The following LUM variants were observed in gnomAD, a reference collection of about 807,000 sequenced individuals.
LUM encodes the protein KSPG lumican.
LUM carries 13 observed loss-of-function variants against 20.5 expected under a neutral mutation model. That is an observed-to-expected ratio of 0.63 (90% confidence interval 0.41 to 1.01). The LOEUF is 1.01. LUM is among the 50% of genes least tolerant of loss of function. The probability of loss-of-function intolerance (pLI) is 0.00; values close to 1 mark genes in which losing one functional copy is unlikely to be tolerated. For synonymous variants in LUM, 173 were observed against 151.5 expected, an observed-to-expected ratio of 1.14 and a Z score of -1.04; for missense variants, 321 against 391.1, an observed-to-expected ratio of 0.82 and a Z score of 1.51.
At chr12:91,107,599 A>G (rs879787383) in intron 2 of LUM, among the ~76,000 whole-genome samples, 4 of 152,222 alleles carry the variant, frequency 2.6e-5, no homozygotes, top group Admixed American at 1.3e-4. Flanking sequence ...GAAGACTTAC[A>G]TATTAAATTC....
intron 2 of LUM, among the ~76,000 whole-genome samples, chr12:91,106,449 G>A (rs1340376491): frequency 6.6e-6 from 1 of 151,834 alleles, no homozygotes; most frequent in African/African-American, 2.4e-5. Context: ...AAAGATTAAT[G>A]GCAGAGTTAT....
rs374164456 is a variant in LUM at position 91,106,690 on chromosome 12, T to TAAAAAAAAAAAA, written c.862+1416_862+1427dup. Among the ~76,000 whole-genome samples, 3 of 90,584 alleles carry TAAAAAAAAAAAA rather than the reference T, an allele frequency of 3.3e-5. 1 individual carries two copies. The highest frequency in any genetic ancestry group is 4.6e-5 in the African/African-American group (1 of 21,852). The allele number at this position is 90,584 out of a possible 152,430, so 59.4% of individuals were successfully genotyped here. ...AAGCTCTGTAACACTATTTTTCTTC[T>TAAAAAAAAAAAA]AAAAAAAAAAAAAAAAAAAAAGATG... On this transcript the variant is annotated intron_variant, in intron 2 of 2. Transcript: ENST00000266718.
chr12:91,109,073 T>C (rs1416569170), intron 1 of LUM, 73 bp from the exon 2 acceptor site: 6 of 1,046,596 alleles, frequency 5.7e-6, no homozygotes, highest in South Asian at 1.5e-5. Context: ...ATTTGCAACA[T>C]TAAATTCATT....
chr12:91,107,336 A>G (rs546550379), intron 2 of LUM, among the ~76,000 whole-genome samples: 40 of 144,570 alleles, frequency 2.8e-4, no homozygotes, highest in African/African-American at 9.0e-4. Context: ...AAAGAAAGAA[A>G]GAAAGAAAGG....
Position 91,108,503 on chromosome 12 carries a change from T to A in LUM, c.477A>T (p.Val159=), listed in dbSNP as rs1880129739. 1 of 1,613,824 alleles carries A rather than the reference T, an allele frequency of 6.2e-7. No individual in the cohort carries two copies. The highest frequency in any genetic ancestry group is 8.5e-7 in the Non-Finnish European group (1 of 1,179,760). Residue 159 remains valine, a synonymous_variant, in exon 2 of 3, where the codon GTA becomes GTT. Transcript: ENST00000266718. The surrounding 1 kb of genome is among the most constrained non-coding windows in gnomAD (Gnocchi z 4.2). ...GCTGGAGATGGATGAAGGTCAGGTT[T>A]ACCAATCCTTCAAAAGAGCCCAGCT... ...ITKLGSFEGL[V]NLTFIHLQHN...
At chr12:91,106,550 C>G (rs1473248352) in intron 2 of LUM, among the ~76,000 whole-genome samples, 1 of 151,418 alleles carries the variant, frequency 6.6e-6, no homozygotes, top group East Asian at 1.9e-4. Context: ...AGTGCATAAG[C>G]AGTCCAAATG....
chr12:91,107,238 GGAA>G lies in LUM; in HGVS notation c.862+877_862+879del, dbSNP rs1565758258. ...AAGAGAGAAAGAAGAAAGAAAGAAA[GGAA>G]AGAAAGAAAGAAAGAAAGAAAGAAA... On this transcript the variant is annotated intron_variant, in intron 2 of 2. Transcript: ENST00000266718. Among the ~76,000 whole-genome samples, 140 of 67,334 alleles carry G rather than the reference GGAA, an allele frequency of 2.1e-3. 6 individuals carry two copies. The highest frequency in any genetic ancestry group is 7.5e-3 in the Middle Eastern group (1 of 134). 44.2% of individuals were successfully genotyped at this position (67,334 alleles called of 152,430 possible). A position where few individuals can be genotyped will look rare whatever the true frequency, so the allele number is the denominator to read the frequency against.
Position 91,108,716 on chromosome 12 carries a change from A to G in LUM, c.264T>C (p.Asn88=). ...GAATGAGCCACTGCAGATCAGTTAC[A>G]TTCTCAAAGGCCTTTTCATCAATAT... ...IDHIDEKAFE[N]VTDLQWLILD... Residue 88 remains asparagine, a synonymous_variant, in exon 2 of 3, where the codon AAT becomes AAC. Coordinates refer to ENST00000266718, the MANE Select transcript of LUM (RefSeq NM_002345.4). The surrounding 1 kb of genome is among the most constrained non-coding windows in gnomAD (Gnocchi z 4.2). 1 of 1,614,140 alleles carries G rather than the reference A, an allele frequency of 6.2e-7. No homozygotes were observed. The highest frequency in any genetic ancestry group is 2.2e-5 in the East Asian group (1 of 44,870).
intron 2 of LUM, among the ~76,000 whole-genome samples, chr12:91,106,791 C>A (rs543630625): frequency 6.6e-6 from 1 of 150,376 alleles, no homozygotes; most frequent in Admixed American, 6.6e-5. Context: ...TGGCCACACA[C>A]CATAACAGAG....
rs374164456 is a variant in LUM, at chr12:91,106,690, TAA to T, written c.862+1426_862+1427del. Among the ~76,000 whole-genome samples the T allele has an allele frequency of 5.2e-4, 47 of 90,600 alleles. 2 individuals carry two copies. The highest frequency in any genetic ancestry group is 2.1e-3 in the African/African-American group (45 of 21,874). The allele number at this position is 90,600 out of a possible 152,430, so 59.4% of individuals were successfully genotyped here. ...AAGCTCTGTAACACTATTTTTCTTCTAAAAAAAAAAAAAAAAAAAAAGATGTT... is the reference window on the plus strand; with the variant it reads ...AAGCTCTGTAACACTATTTTTCTTCTAAAAAAAAAAAAAAAAAAAGATGTT... On this transcript the variant is annotated intron_variant, in intron 2 of 2. Coordinates refer to ENST00000266718, the MANE Select transcript of LUM (RefSeq NM_002345.4).
At position 91,108,112 on chromosome 12, in the gene LUM, A is replaced by T; in HGVS notation, c.862+6T>A. On this transcript the variant is annotated splice_donor_region_variant and intron_variant, in intron 2 of 2. Transcript: ENST00000266718. The surrounding 1 kb of genome is among the most constrained non-coding windows in gnomAD (Gnocchi z 4.2). The stretch of plus-strand genomic sequence containing the variant: ...ACATCAAACACAGGAACAGCTTTTT[A>T]CTTACTCTCAAGTTGATTGACCTCC... 1 of 1,613,812 alleles carries T rather than the reference A, an allele frequency of 6.2e-7. No individual in the cohort carries two copies. The highest frequency in any genetic ancestry group is 8.5e-7 in the Non-Finnish European group (1 of 1,179,856).
At chr12:91,107,185 G>T (rs1320126484) in intron 2 of LUM, among the ~76,000 whole-genome samples, 2 of 63,858 alleles carry the variant, frequency 3.1e-5, no homozygotes, top group African/African-American at 1.1e-4. Flanking sequence ...ACGAAAGAAA[G>T]AAAGAAGGAA....
In LUM at chr12:91,104,232, G is replaced by A. The variant is rs1939521644; in HGVS notation, c.950C>T (p.Ser317Leu). Residue 317 changes from serine to leucine, a missense_variant, in exon 3 of 3, where the codon TCA becomes TTA. Transcript: ENST00000266718. ...CATATCCGGTGGAAGACTGGTTTCT[G>A]AGATGCGATTGCCATCCAAACGCAA... The part of the protein sequence containing the change: ...KHLRLDGNRI[S>L]ETSLPPDMYE... 1 of 1,612,802 alleles carries A rather than the reference G, an allele frequency of 6.2e-7. No homozygotes were observed. Among genetic ancestry groups the A allele is most frequent in the Admixed American group, 1.7e-5 (1 of 59,952 alleles).
intron 2 of LUM, among the ~76,000 whole-genome samples, chr12:91,105,865 C>G (rs1381631707): frequency 6.6e-6 from 1 of 152,226 alleles, no homozygotes; most frequent in African/African-American, 2.4e-5. Flanking sequence ...AGTAGCCCTG[C>G]TCTTACGAAT....
At chr12:91,110,005 T>G (rs1233020705) in intron 1 of LUM, among the ~76,000 whole-genome samples, 1 of 152,154 alleles carries the variant, frequency 6.6e-6, no homozygotes, top group African/African-American at 2.4e-5. Context: ...GAATTTGAAA[T>G]AATGTGTAAC....
Position 91,108,425 on chromosome 12 carries a change from T to C in LUM, c.555A>G (p.Ser185=). 2 of 1,613,980 alleles carry C rather than the reference T, an allele frequency of 1.2e-6. No individual in the cohort carries two copies. Among genetic ancestry groups the C allele is most frequent in the Non-Finnish European group, 1.7e-6 (2 of 1,179,982 alleles). The change falls in exon 2 of 3, where the codon TCA becomes TCG. Residue 185 remains serine (S), a synonymous_variant. Coordinates refer to ENST00000266718, the MANE Select transcript of LUM (RefSeq NM_002345.4). The surrounding 1 kb of genome is among the most constrained non-coding windows in gnomAD (Gnocchi z 4.2). ...TGAAGCTCAAGTCAAGGTATTCGAG[T>C]GATTTAAGACCTTTAAAAGCAGCTG... ...AVSAAFKGLK[S]LEYLDLSFNQ...
chr12:91,104,246 A>G lies in LUM; in HGVS notation c.936T>C (p.Asp312=), dbSNP rs764011671. ...SYSKIKHLRL[D]GNRISETSLP... ...GACTGGTTTCTGAGATGCGATTGCCATCCAAACGCAAATGCTTGATCTTGG... is the reference window on the plus strand; with the variant it reads ...GACTGGTTTCTGAGATGCGATTGCCGTCCAAACGCAAATGCTTGATCTTGG... The change falls in exon 3 of 3, where the codon GAT becomes GAC. Residue 312 remains aspartate, a synonymous_variant. Coordinates refer to ENST00000266718, the MANE Select transcript of LUM (RefSeq NM_002345.4). The G allele has an allele frequency of 1.2e-6, 2 of 1,612,410 alleles. No individual in the cohort carries two copies. Among genetic ancestry groups the G allele is most frequent in the Non-Finnish European group, 1.7e-6 (2 of 1,178,704 alleles).
chr12:91,109,861 G>A (rs1052236927), intron 1 of LUM, among the ~76,000 whole-genome samples: 5 of 152,180 alleles, frequency 3.3e-5, no homozygotes, highest in East Asian at 3.9e-4. Context: ...TGCCAAAATC[G>A]AAGATGCCAT....
chr12:91,104,432 A>G, intron 2 of LUM, 113 bp from the exon 3 acceptor site: 2 of 722,208 alleles, frequency 2.8e-6, no homozygotes, highest in Non-Finnish European at 4.4e-6. Flanking sequence ...CATTTAGAAA[A>G]GTCATAATAT....
Sources: allele counts gnomAD v4.1 joint callset (sites outside exome capture counted in the v4.1 genomes callset), GRCh38; gene constraint gnomAD v4.1.1; non-coding constraint Gnocchi (gnomAD v3.1); transcripts MANE v1.5; gene names NCBI Gene and HGNC (gene_info 2026-07-23, HGNC 2026-07-21).